Variants in ZFHX3 observed in about 807,000 individuals in gnomAD.
ZFHX3 encodes the protein zinc finger homeobox protein 3.
Under a neutral mutation model 279.1 loss-of-function variants are expected in ZFHX3, and 42 were observed. The observed-to-expected ratio is 0.15, with a 90% CI of 0.12 to 0.19. The LOEUF (loss-of-function observed/expected upper bound fraction) is 0.19. Among genes scored for constraint, ZFHX3 ranks in the 10% least tolerant of loss-of-function variants. The probability of loss-of-function intolerance (pLI) is 1.00; values close to 1 mark genes in which losing one functional copy is unlikely to be tolerated. For missense variants in ZFHX3, 4,981 were observed against 4,754.0 expected, an observed-to-expected ratio of 1.05 and a Z score of -1.40; for synonymous variants, 2,293 against 1,957.8, an observed-to-expected ratio of 1.17 and a Z score of -4.52.
At chr16:73,345,142 C>A (rs760794786) in intron 3 of ZFHX3, among the ~76,000 whole-genome samples, 1 of 152,098 alleles carries the variant, frequency 6.6e-6, no homozygotes, top group African/African-American at 2.4e-5. Context: ...GGATTTAAAT[C>A]TTTTTATACG....
intron 3 of ZFHX3, among the ~76,000 whole-genome samples, chr16:72,901,992 C>T (rs779539269): frequency 2.0e-5 from 3 of 152,114 alleles, no homozygotes; most frequent in Admixed American, 6.5e-5. Flanking sequence ...TTTTACTGAA[C>T]GTTAAATCAA....
At chr16:72,890,351 T>C (rs1225362544) in intron 3 of ZFHX3, among the ~76,000 whole-genome samples, 1 of 152,190 alleles carries the variant, frequency 6.6e-6, no homozygotes, top group Non-Finnish European at 1.5e-5. Flanking sequence ...CTTTCTGCCA[T>C]TATTGTAAGT....
intron 2 of ZFHX3, among the ~76,000 whole-genome samples, chr16:73,461,598 A>G (rs1468461158): frequency 6.6e-6 from 1 of 152,124 alleles, no homozygotes; most frequent in African/African-American, 2.4e-5. Flanking sequence ...ACTTTTGTTT[A>G]CCTATGGAAG....
chr16:73,097,895 A>G (rs1966185467), intron 7 of ZFHX3, among the ~76,000 whole-genome samples: 1 of 152,200 alleles, frequency 6.6e-6, no homozygotes, highest in Admixed American at 6.5e-5. Context: ...TCCATGTCAT[A>G]AGATGTATCT....
In ZFHX3 at chr16:73,265,942, C is replaced by T. The variant is rs1464358545; in HGVS notation, c.-1193-8806G>A. Among the ~76,000 whole-genome samples the T allele has an allele frequency of 3.3e-5, 5 of 152,284 alleles. No individual in the cohort carries two copies. In the South Asian group the frequency reaches 1.0e-3, roughly 32 times the overall value. ...CTACCAGGCGTGGGTGCCATCTGAT[C>T]GATTTCATCTTCCAGCAGGAATTTC... On this transcript the variant is annotated intron_variant, in intron 4 of 17. Coordinates refer to the ZFHX3 transcript ENST00000641206.
At chr16:73,767,017 C>G (rs1024480610) in intron 1 of ZFHX3, among the ~76,000 whole-genome samples, 14 of 151,044 alleles carry the variant, frequency 9.3e-5, no homozygotes, top group Non-Finnish European at 1.6e-4. Context: ...CTCAGTGCAA[C>G]CTCCACCTCC....
chr16:73,734,426 T>C (rs2053592976), intron 1 of ZFHX3, among the ~76,000 whole-genome samples: 1 of 152,242 alleles, frequency 6.6e-6, no homozygotes, highest in Admixed American at 6.5e-5. Context: ...AATGAAGAGA[T>C]GGATAATTTT....
chr16:73,329,066 C>A (rs1475880876), intron 3 of ZFHX3, among the ~76,000 whole-genome samples: 1 of 152,240 alleles, frequency 6.6e-6, no homozygotes, highest in Non-Finnish European at 1.5e-5. Context: ...TTCCTTGCTG[C>A]CTTCCTTCTC....
chr16:73,299,905 C>T (rs1347067355), intron 4 of ZFHX3, among the ~76,000 whole-genome samples: 1 of 152,166 alleles, frequency 6.6e-6, no homozygotes, highest in Non-Finnish European at 1.5e-5. Context: ...TCTCTTTCTT[C>T]TGTGGCAGAA....
chr16:72,878,830 C>T (rs933055682), intron 4 of ZFHX3, among the ~76,000 whole-genome samples: 1 of 152,208 alleles, frequency 6.6e-6, no homozygotes, highest in African/African-American at 2.4e-5. Flanking sequence ...CCTCAGGAAC[C>T]TTCTCCAGGG....
intron 2 of ZFHX3, among the ~76,000 whole-genome samples, chr16:73,548,799 C>T (rs2020162319): frequency 6.6e-6 from 1 of 152,048 alleles, no homozygotes; most frequent in Admixed American, 6.6e-5. Flanking sequence ...CTTTGAATTG[C>T]TATGTAAACA....
chr16:73,642,357 C>A (rs141510021), intron 2 of ZFHX3, among the ~76,000 whole-genome samples: 1 of 152,088 alleles, frequency 6.6e-6, no homozygotes, highest in Admixed American at 6.5e-5. Flanking sequence ...TTCAGAGGAC[C>A]GCCTCTCTTG....
At chr16:72,982,634 A>T (rs960626705) in intron 1 of ZFHX3, among the ~76,000 whole-genome samples, 1 of 152,204 alleles carries the variant, frequency 6.6e-6, no homozygotes, top group African/African-American at 2.4e-5. Flanking sequence ...CACAGACCAG[A>T]ACAGTGATGG....
At chr16:73,251,138 C>G (rs1288316636) in intron 5 of ZFHX3, among the ~76,000 whole-genome samples, 2 of 152,162 alleles carry the variant, frequency 1.3e-5, no homozygotes, top group Non-Finnish European at 2.9e-5. Context: ...TCTATTCTTA[C>G]CAGGAATAAT....
At chr16:73,405,452 T>A (rs1006998024) in intron 3 of ZFHX3, among the ~76,000 whole-genome samples, 1 of 152,188 alleles carries the variant, frequency 6.6e-6, no homozygotes, top group African/African-American at 2.4e-5. Context: ...ATATAGCATG[T>A]CTCCTTATCT....
At chr16:73,627,735 G>A (rs2052431737) in intron 2 of ZFHX3, among the ~76,000 whole-genome samples, 2 of 152,154 alleles carry the variant, frequency 1.3e-5, no homozygotes, top group Admixed American at 1.3e-4. Flanking sequence ...TGGCTAACAT[G>A]GTGAAACCCT....
At chr16:73,823,615 C>T (rs529387211) in intron 1 of ZFHX3, among the ~76,000 whole-genome samples, 7 of 152,334 alleles carry the variant, frequency 4.6e-5, no homozygotes, top group African/African-American at 4.8e-5. Context: ...AATACAGCCA[C>T]GCCCATTCAT....
chr16:73,367,223 C>T (rs1288599907), intron 3 of ZFHX3, among the ~76,000 whole-genome samples: 1 of 152,062 alleles, frequency 6.6e-6, no homozygotes, highest in African/African-American at 2.4e-5. Flanking sequence ...ATGGGAAAAT[C>T]GAGCTCCATG....
intron 1 of ZFHX3, among the ~76,000 whole-genome samples, chr16:72,961,010 G>A (rs1235281221): frequency 6.6e-6 from 1 of 152,064 alleles, no homozygotes; most frequent in Non-Finnish European, 1.5e-5. Context: ...AAGCTCCCTG[G>A]CCTGTGACTC....
Sources: allele counts gnomAD v4.1 joint callset (sites outside exome capture counted in the v4.1 genomes callset), GRCh38; gene constraint gnomAD v4.1.1; transcripts MANE v1.5; gene names NCBI Gene and HGNC (gene_info 2026-07-23, HGNC 2026-07-21).